The following PLCH1 variants were observed in gnomAD, a reference collection of about 807,000 sequenced individuals.
The protein encoded by PLCH1 is phospholipase C eta 1.
PLCH1 carries 60 observed loss-of-function variants against 126.7 expected under a neutral mutation model. The observed-to-expected ratio is 0.47, with a 90% CI of 0.38 to 0.59. The LOEUF is 0.59. Among genes scored for constraint, PLCH1 ranks in the 20% least tolerant of loss-of-function variants. The pLI, the probability that PLCH1 is intolerant of heterozygous loss-of-function variation, is 0.00. For synonymous variants in PLCH1, 719 were observed against 734.9 expected (o/e 0.98, Z 0.35); for missense variants, 1,723 against 2,040.0 (o/e 0.84, Z 2.99).
chr3:155,737,010 G>A (rs1451584142), intron 1 of PLCH1, among the ~76,000 whole-genome samples: 1 of 151,858 alleles, frequency 6.6e-6, no homozygotes, highest in Non-Finnish European at 1.5e-5. Context: ...CGGCTGGATT[G>A]CCTGAGCTCA....
intron 21 of PLCH1, among the ~76,000 whole-genome samples, 168 bp downstream of exon 21, chr3:155,487,860 G>A (rs1715498895): frequency 6.6e-6 from 1 of 152,228 alleles, no homozygotes; most frequent in South Asian, 2.1e-4. Context: ...AAGAGTACAG[G>A]TGGATCAGGA....
chr3:155,489,410 T>C (rs1053019385), intron 19 of PLCH1, among the ~76,000 whole-genome samples: 1 of 152,228 alleles, frequency 6.6e-6, no homozygotes, highest in African/African-American at 2.4e-5. Flanking sequence ...AAAAATATAT[T>C]ACTTTCAAAA....
chr3:155,666,268 T>C (rs1205890774), intron 2 of PLCH1, among the ~76,000 whole-genome samples: 2 of 152,362 alleles, frequency 1.3e-5, no homozygotes, highest in East Asian at 3.9e-4. Flanking sequence ...GTGCCAATTT[T>C]CCCACACTTT....
intron 2 of PLCH1, among the ~76,000 whole-genome samples, chr3:155,680,083 A>G (rs1182951562): frequency 6.6e-6 from 1 of 152,182 alleles, no homozygotes; most frequent in East Asian, 1.9e-4. Flanking sequence ...TAAAAAATAA[A>G]TAAATAAATA....
At chr3:155,676,972 T>C (rs17348181) in intron 2 of PLCH1, among the ~76,000 whole-genome samples, 7,161 of 152,294 alleles carry the variant, frequency 0.047, 230 homozygotes, top group Middle Eastern at 0.11. Flanking sequence ...GTAAACATTA[T>C]TTGCAACTTT....
chr3:155,718,315 C>T (rs1028024432), intron 1 of PLCH1, among the ~76,000 whole-genome samples: 1 of 152,132 alleles, frequency 6.6e-6, no homozygotes, highest in Non-Finnish European at 1.5e-5. Flanking sequence ...ATCTTCCTTC[C>T]TTCTTCTGAG....
chr3:155,453,567 G>A (rs183234710), intron 21 of PLCH1, among the ~76,000 whole-genome samples: 6 of 151,918 alleles, frequency 3.9e-5, no homozygotes, highest in Admixed American at 1.3e-4. Context: ...AAAATACAAC[G>A]CAAAATGACT....
Position 155,538,945 on chromosome 3 carries a change from C to CAA in PLCH1, c.1362+10840_1362+10841dup, listed in dbSNP as rs56251794. ...ACACCAAAACCAGAAAAGGACATAA[C>CAA]AAAAAAAAAAGAAAATTACAGACCA... On this transcript the variant is annotated intron_variant, in intron 10 of 22. Coordinates refer to ENST00000460012, the MANE Select transcript of PLCH1 (RefSeq NM_014996.4). Among the ~76,000 whole-genome samples the CAA allele has an allele frequency of 3.1e-4, 46 of 146,574 alleles. 1 individual carries two copies. Among genetic ancestry groups the CAA allele is most frequent in the Middle Eastern group, 6.9e-3 (2 of 288 alleles).
intron 2 of PLCH1, among the ~76,000 whole-genome samples, chr3:155,684,205 C>T (rs1003809146): frequency 6.6e-6 from 1 of 152,186 alleles, no homozygotes; most frequent in Non-Finnish European, 1.5e-5. Flanking sequence ...CAATACTGAG[C>T]CCTGGGACAC....
chr3:155,680,240 G>A (rs563095958), intron 2 of PLCH1, among the ~76,000 whole-genome samples: 65 of 152,070 alleles, frequency 4.3e-4, no homozygotes, highest in South Asian at 2.5e-3. Flanking sequence ...AAAATTAGCC[G>A]AGTGTGGTGG....
chr3:155,701,491 A>C (rs1031980009), intron 2 of PLCH1, among the ~76,000 whole-genome samples: 1 of 152,178 alleles, frequency 6.6e-6, no homozygotes, highest in Non-Finnish European at 1.5e-5. Context: ...GCTTATTCCA[A>C]AAGTCTATTA....
At chr3:155,714,896 A>G (rs1456910992) in intron 1 of PLCH1, among the ~76,000 whole-genome samples, 1 of 152,230 alleles carries the variant, frequency 6.6e-6, no homozygotes, top group Non-Finnish European at 1.5e-5. Flanking sequence ...CGAAGTTATC[A>G]TAGCTTTACA....
At chr3:155,472,299 A>C (rs1351460538) in intron 21 of PLCH1, among the ~76,000 whole-genome samples, 3 of 152,040 alleles carry the variant, frequency 2.0e-5, no homozygotes, top group Non-Finnish European at 2.9e-5. Context: ...ACTACAAACA[A>C]CTCTACACAA....
intron 10 of PLCH1, among the ~76,000 whole-genome samples, chr3:155,529,303 C>T (rs533088588): frequency 6.6e-5 from 10 of 152,274 alleles, no homozygotes; most frequent in African/African-American, 2.4e-4. Context: ...CAAACAACTC[C>T]GCGATTCACA....
At chr3:155,646,100 G>C (rs909371785) in intron 2 of PLCH1, among the ~76,000 whole-genome samples, 5 of 152,166 alleles carry the variant, frequency 3.3e-5, no homozygotes, top group Non-Finnish European at 7.3e-5. Context: ...CATGTGAAAG[G>C]TGTGTTTCTG....
chr3:155,511,669 T>A (rs2108216207), intron 12 of PLCH1, among the ~76,000 whole-genome samples: 1 of 140,018 alleles, frequency 7.1e-6, no homozygotes, highest in Middle Eastern at 3.5e-3. Context: ...TGCTCGGGGG[T>A]CAGGGGTCAG....
chr3:155,493,304 T>C (rs1475331146), intron 17 of PLCH1, among the ~76,000 whole-genome samples: 6 of 152,252 alleles, frequency 3.9e-5, no homozygotes, highest in Admixed American at 6.5e-5. Context: ...TTGTTATATA[T>C]GTAATTTGGA....
At position 155,654,008 on chromosome 3, in the gene PLCH1, A is replaced by C. The variant is rs949963862; in HGVS notation, c.79+50138T>G. ...TTCCTCTCTCTTTTGAATCAATTCCAACCAGGCTTTTGTCTCCACCTCTCC... is the reference window on the plus strand; with the variant it reads ...TTCCTCTCTCTTTTGAATCAATTCCCACCAGGCTTTTGTCTCCACCTCTCC... On this transcript the variant is annotated intron_variant, in intron 2 of 22. Transcript: ENST00000460012. 9.3e-5 allele frequency among the ~76,000 whole-genome samples: 14 copies of C among 150,836 alleles called. No individual in the cohort carries two copies. In the Admixed American group the frequency reaches 9.3e-4, roughly 10 times the overall value.
intron 2 of PLCH1, among the ~76,000 whole-genome samples, chr3:155,648,972 T>C (rs1308833916): frequency 2.6e-5 from 4 of 152,148 alleles, no homozygotes; most frequent in Non-Finnish European, 2.9e-5. Context: ...TCTTAGGCCA[T>C]GTTAGCGATC....
Sources: gnomAD v4.1 joint callset for allele counts (sites outside exome capture counted in the v4.1 genomes callset) on GRCh38, gnomAD v4.1.1 for gene constraint, MANE v1.5 for transcripts, NCBI Gene and HGNC (gene_info 2026-07-23, HGNC 2026-07-21) for gene names.